The following PTGER4 variants were observed in gnomAD, a reference collection of about 807,000 sequenced individuals.
PTGER4 encodes the protein prostaglandin E2 receptor EP4 subtype.
PTGER4 carries 11 observed loss-of-function variants against 33.2 expected under a neutral mutation model. The ratio of observed to expected loss-of-function variants is 0.33; its 90% confidence interval spans 0.21 to 0.55. PTGER4 has a LOEUF of 0.55. PTGER4 is among the 20% of genes least tolerant of loss of function. The pLI is 0.92. For synonymous variants in PTGER4, 275 were observed against 281.5 expected (o/e 0.98, Z 0.23); for missense variants, 481 against 650.2 (o/e 0.74, Z 2.83).
Position 40,681,797 on chromosome 5 carries a change from C to G in PTGER4, c.804C>G (p.Ile268Met). ...RSFRRIAGAE[I>M]QMVILLIATS... ...TCCGCCGCATCGCGGGCGCCGAGAT[C>G]CAGATGGTCATCTTACTCATTGCCA... Residue 268 changes from isoleucine (I) to methionine (M), a missense_variant, in exon 2 of 3, where the codon ATC becomes ATG. This residue lies in a region of PTGER4 where 174 missense variants were observed against 210.5 expected (regional missense o/e 0.83). Coordinates refer to ENST00000302472, the MANE Select transcript of PTGER4 (RefSeq NM_000958.3). This position sits in a 1 kb window ranked among gnomAD's most constrained non-coding sequence, Gnocchi z 9.8. The G allele has an allele frequency of 6.3e-7, 1 of 1,592,908 alleles. No individual in the cohort carries two copies. The highest frequency in any genetic ancestry group is 8.5e-7 in the Non-Finnish European group (1 of 1,172,792).
chr5:40,722,675 G>A, the PTGER4 span, among the ~76,000 whole-genome samples: 12 of 151,298 alleles, frequency 7.9e-5, no homozygotes, highest in South Asian at 1.9e-3. Context: ...CCCCACAGCC[G>A]CCCAGTCTGG....
the PTGER4 span, among the ~76,000 whole-genome samples, chr5:40,725,078 C>A: frequency 6.6e-6 from 1 of 151,894 alleles, no homozygotes; most frequent in Non-Finnish European, 1.5e-5. Flanking sequence ...AAACTCCTGA[C>A]CTCAGGTGAT....
the PTGER4 span, among the ~76,000 whole-genome samples, chr5:40,742,408 C>G: frequency 6.6e-6 from 1 of 152,112 alleles, no homozygotes; most frequent in Non-Finnish European, 1.5e-5. Flanking sequence ...AAATTCATGT[C>G]ACCATCACAA....
At chr5:40,701,145 C>A in the PTGER4 span, among the ~76,000 whole-genome samples, 2 of 152,208 alleles carry the variant, frequency 1.3e-5, no homozygotes, top group Admixed American at 1.3e-4. Context: ...CAAACGACTG[C>A]ACCAGTTCTC....
intron 2 of PTGER4, among the ~76,000 whole-genome samples, chr5:40,688,783 GC>G (rs1214898588): frequency 6.6e-6 from 1 of 152,152 alleles, no homozygotes; most frequent in Non-Finnish European, 1.5e-5. Flanking sequence ...AATCAAGTAT[GC>G]TTTGCCTTGA....
chr5:40,728,476 C>A, the PTGER4 span: 1 of 1,591,430 alleles, frequency 6.3e-7, no homozygotes, highest in South Asian at 1.2e-5. Context: ...GACATTAGCA[C>A]CTATAGGCAA....
chr5:40,737,873 T>C, the PTGER4 span, among the ~76,000 whole-genome samples: 1 of 152,212 alleles, frequency 6.6e-6, no homozygotes, highest in African/African-American at 2.4e-5. Flanking sequence ...CCTTAGCATG[T>C]TTCTGAGATG....
the PTGER4 span, among the ~76,000 whole-genome samples, chr5:40,723,024 TC>T: frequency 6.6e-6 from 1 of 152,092 alleles, no homozygotes; most frequent in African/African-American, 2.4e-5. Context: ...AAAGGAGAGA[TC>T]GGATTGTTAC....
chr5:40,695,397 G>A (rs1741566433), downstream of PTGER4, among the ~76,000 whole-genome samples: 1 of 150,620 alleles, frequency 6.6e-6, no homozygotes, highest in Non-Finnish European at 1.5e-5. Context: ...ATAAAAATTA[G>A]ACAGGCATGG....
the PTGER4 span, among the ~76,000 whole-genome samples, chr5:40,706,440 C>T: frequency 1.9e-3 from 289 of 152,138 alleles, 1 homozygote; most frequent in African/African-American, 6.7e-3. Flanking sequence ...ACGTGTTTAT[C>T]TTTGTAACAA....
At chr5:40,709,658 T>C in the PTGER4 span, among the ~76,000 whole-genome samples, 1 of 152,172 alleles carries the variant, frequency 6.6e-6, no homozygotes, top group African/African-American at 2.4e-5. Context: ...ACCAATGACT[T>C]TCTTCACAGA....
chr5:40,740,019 A>G, the PTGER4 span, among the ~76,000 whole-genome samples: 1 of 151,916 alleles, frequency 6.6e-6, no homozygotes, highest in Admixed American at 6.6e-5. Flanking sequence ...ATTATTTTTT[A>G]ATGGTTTCTC....
intron 2 of PTGER4, among the ~76,000 whole-genome samples, chr5:40,685,078 TA>T (rs1292482103): frequency 6.6e-6 from 1 of 152,192 alleles, no homozygotes; most frequent in Non-Finnish European, 1.5e-5. Context: ...ACAGTTACTA[TA>T]GGGTTTCGAA....
chr5:40,741,340 T>C, the PTGER4 span, among the ~76,000 whole-genome samples: 1 of 152,234 alleles, frequency 6.6e-6, no homozygotes, highest in Non-Finnish European at 1.5e-5. Context: ...TAAATATTTC[T>C]GGTGACCATC....
At chr5:40,746,696 T>C in the PTGER4 span, 2 of 910,936 alleles carry the variant, frequency 2.2e-6, no homozygotes, top group Non-Finnish European at 3.2e-6. Context: ...GAATAGATTT[T>C]TAAACATGAA....
the PTGER4 span, among the ~76,000 whole-genome samples, chr5:40,707,226 C>T: frequency 6.6e-6 from 1 of 152,076 alleles, no homozygotes; most frequent in African/African-American, 2.4e-5. Flanking sequence ...TTAAAAGACA[C>T]CGGACTGGCA....
In PTGER4 at chr5:40,693,119, G is replaced by C. The variant is rs952850341; in HGVS notation, c.*741G>C. On this transcript the variant is annotated 3_prime_UTR_variant, in exon 3 of 3. Coordinates refer to ENST00000302472, the MANE Select transcript of PTGER4 (RefSeq NM_000958.3). ...ACAGTCCAAAATACTGTTCTTTCCAGGCTATGTATAAAATACATAGTGAAA... is the reference window on the plus strand; with the variant it reads ...ACAGTCCAAAATACTGTTCTTTCCACGCTATGTATAAAATACATAGTGAAA... 1.1e-6 allele frequency: 1 copy of C among 948,616 alleles called. No individual in the cohort carries two copies. Among genetic ancestry groups the C allele is most frequent in the Non-Finnish European group, 1.3e-6 (1 of 796,352 alleles). The allele number at this position is 948,616 out of a possible 1,614,324, so 58.8% of individuals were successfully genotyped here. A position where few individuals can be genotyped will look rare whatever the true frequency, so the allele number is the denominator to read the frequency against.
At chr5:40,736,022 A>G in the PTGER4 span, among the ~76,000 whole-genome samples, 6 of 152,322 alleles carry the variant, frequency 3.9e-5, no homozygotes, top group African/African-American at 1.4e-4. Context: ...GCATGCCAGC[A>G]AGAAGGACCG....
At chr5:40,727,195 A>G in the PTGER4 span, among the ~76,000 whole-genome samples, 2 of 152,270 alleles carry the variant, frequency 1.3e-5, no homozygotes, top group Admixed American at 1.3e-4. Flanking sequence ...ACTGTTAGTA[A>G]GTTTATATTT....
Sources: gnomAD v4.1 joint callset for allele counts (sites outside exome capture counted in the v4.1 genomes callset) on GRCh38, gnomAD v4.1.1 for gene constraint, gnomAD v4.1.1 regional missense constraint, Gnocchi (gnomAD v3.1) non-coding constraint, MANE v1.5 for transcripts, NCBI Gene and HGNC (gene_info 2026-07-23, HGNC 2026-07-21) for gene names.